PEX14: variants seen among roughly 807,000 people sequenced by gnomAD.
The protein encoded by PEX14 is peroxisomal biogenesis factor 14, also known as peroxisomal membrane protein PEX14.
In PEX14, 15 loss-of-function variants were observed where a neutral mutation model predicts 49.5. The ratio of observed to expected loss-of-function variants is 0.30; its 90% CI spans 0.20 to 0.47. The LOEUF (loss-of-function observed/expected upper bound fraction) is 0.47, where lower values mean the gene tolerates loss of function less well. Ranked by LOEUF, PEX14 falls within the 20% of genes least tolerant of loss-of-function variation. The pLI is 1.00. For synonymous variants in PEX14, 210 were observed against 212.7 expected (o/e 0.99, Z 0.11); for missense variants, 398 against 494.8 (o/e 0.80, Z 1.86).
intron 4 of PEX14, among the ~76,000 whole-genome samples, chr1:10,603,832 T>C (rs1186981112): frequency 1.3e-5 from 2 of 152,238 alleles, no homozygotes; most frequent in Non-Finnish European, 2.9e-5. Flanking sequence ...CTGTCTTTGA[T>C]AAACAATTTA....
chr1:10,475,862 T>C (rs1641186649), intron 1 of PEX14, among the ~76,000 whole-genome samples: 1 of 152,186 alleles, frequency 6.6e-6, no homozygotes, highest in Non-Finnish European at 1.5e-5. Flanking sequence ...ACATCTATTA[T>C]CTCGTTTAGT....
intron 1 of PEX14, among the ~76,000 whole-genome samples, chr1:10,486,509 G>C (rs1641370650): frequency 6.6e-6 from 1 of 151,720 alleles, no homozygotes; most frequent in South Asian, 2.1e-4. Flanking sequence ...GCGAGGCTCT[G>C]TCTCTATACA....
intron 2 of PEX14, among the ~76,000 whole-genome samples, chr1:10,526,483 T>G (rs148856013): frequency 1.9e-4 from 29 of 152,276 alleles, no homozygotes; most frequent in African/African-American, 5.8e-4. Flanking sequence ...CCTCCCAAAG[T>G]GCAATTTGAA....
intron 3 of PEX14, among the ~76,000 whole-genome samples, chr1:10,564,664 C>G (rs1171250804): frequency 6.7e-6 from 1 of 149,580 alleles, no homozygotes; most frequent in Non-Finnish European, 1.5e-5. Flanking sequence ...AATTCCTGAG[C>G]TCAAGTGATG....
chr1:10,515,827 T>G (rs982665192), intron 2 of PEX14, among the ~76,000 whole-genome samples: 4 of 152,154 alleles, frequency 2.6e-5, no homozygotes, highest in Non-Finnish European at 5.9e-5. Flanking sequence ...CACTGTGTGC[T>G]GTGGTCAGGG....
At chr1:10,505,168 C>T (rs1383071265) in intron 2 of PEX14, among the ~76,000 whole-genome samples, 1 of 152,150 alleles carries the variant, frequency 6.6e-6, no homozygotes, top group African/African-American at 2.4e-5. Flanking sequence ...GAATAAAGAA[C>T]AGGTATTAAA....
chr1:10,569,600 A>G lies in PEX14; in HGVS notation c.170-29638A>G, dbSNP rs72857017. Among the ~76,000 whole-genome samples, 908 of 152,290 alleles carry G rather than the reference A, an allele frequency of 6.0e-3. 7 individuals are homozygous for G. Among genetic ancestry groups the G allele is most frequent in the African/African-American group, 0.021 (854 of 41,562 alleles). ...TCTTGGATTGCTTCTTTGGGTTGGT[A>G]GAACAGATCCTCCAGTAGCTTCCTG... On this transcript the variant is annotated intron_variant, in intron 3 of 8. Transcript: ENST00000356607.
chr1:10,496,775 T>C (rs922017948), intron 2 of PEX14, among the ~76,000 whole-genome samples: 17 of 151,796 alleles, frequency 1.1e-4, no homozygotes, highest in Non-Finnish European at 1.5e-5. Context: ...GTTGTATTTT[T>C]ATTTCTTTCT....
intron 1 of PEX14, among the ~76,000 whole-genome samples, chr1:10,491,039 T>G (rs1430938910): frequency 6.6e-6 from 1 of 151,394 alleles, no homozygotes; most frequent in Non-Finnish European, 1.5e-5. Flanking sequence ...TGTGAAGATT[T>G]CCAGGATCAG....
chr1:10,485,259 G>C (rs1641347377), intron 1 of PEX14, among the ~76,000 whole-genome samples: 1 of 148,448 alleles, frequency 6.7e-6, no homozygotes, highest in Non-Finnish European at 1.5e-5. Flanking sequence ...AATGTTTTTA[G>C]CCATTCTGGT....
chr1:10,526,786 G>A (rs1638496842), intron 2 of PEX14, among the ~76,000 whole-genome samples: 1 of 152,140 alleles, frequency 6.6e-6, no homozygotes, highest in Admixed American at 6.5e-5. Context: ...AAAAGTTCTG[G>A]ATTTTGGAGC....
At chr1:10,617,968 A>T (rs1034908251) in intron 4 of PEX14, among the ~76,000 whole-genome samples, 1 of 152,106 alleles carries the variant, frequency 6.6e-6, no homozygotes, top group Non-Finnish European at 1.5e-5. Flanking sequence ...TCCCCTAAAC[A>T]TACTCCTGTT....
intron 4 of PEX14, among the ~76,000 whole-genome samples, chr1:10,615,616 C>T (rs1175036865): frequency 6.6e-6 from 1 of 152,218 alleles, no homozygotes; most frequent in African/African-American, 2.4e-5. Context: ...CAAATGCACA[C>T]GCCCTGGGAC....
chr1:10,499,897 A>G (rs1226600182), intron 2 of PEX14, among the ~76,000 whole-genome samples: 5 of 152,104 alleles, frequency 3.3e-5, no homozygotes, highest in Admixed American at 6.6e-5. Flanking sequence ...TTTGCTCTCC[A>G]AGTGCCAAAG....
At chr1:10,489,791 G>A (rs1188526) in intron 1 of PEX14, among the ~76,000 whole-genome samples, 2 of 152,102 alleles carry the variant, frequency 1.3e-5, no homozygotes, top group Non-Finnish European at 2.9e-5. Flanking sequence ...GGGGATCCCC[G>A]TCTCTCTCCA....
At chr1:10,607,473 C>G (rs557815472) in intron 4 of PEX14, among the ~76,000 whole-genome samples, 39 of 152,308 alleles carry the variant, frequency 2.6e-4, no homozygotes, top group African/African-American at 9.4e-4. Flanking sequence ...AAACTGTTTT[C>G]TGGAGTGGTT....
chr1:10,562,244 C>T (rs1015499272), intron 3 of PEX14, among the ~76,000 whole-genome samples: 24 of 152,054 alleles, frequency 1.6e-4, no homozygotes, highest in African/African-American at 5.3e-4. Context: ...TTTTCTCCAC[C>T]CACCCCCAAC....
chr1:10,492,708 G>T (rs2124396966), intron 1 of PEX14, among the ~76,000 whole-genome samples: 1 of 152,292 alleles, frequency 6.6e-6, no homozygotes, highest in East Asian at 1.9e-4. Flanking sequence ...CCATTGTTCT[G>T]TTTTTTTGTT....
intron 3 of PEX14, among the ~76,000 whole-genome samples, chr1:10,540,338 A>T (rs576462202): frequency 6.6e-6 from 1 of 152,242 alleles, no homozygotes; most frequent in Non-Finnish European, 1.5e-5. Flanking sequence ...TTTATCATTT[A>T]CGTCTATTTC....
Sources: allele counts gnomAD v4.1 joint callset (sites outside exome capture counted in the v4.1 genomes callset), GRCh38; gene constraint gnomAD v4.1.1; transcripts MANE v1.5; gene names NCBI Gene and HGNC (gene_info 2026-07-23, HGNC 2026-07-21).